PDE4A: variants seen among roughly 807,000 people sequenced by gnomAD.
PDE4A encodes phosphodiesterase 4A, also known as 3',5'-cyclic-AMP phosphodiesterase 4A.
A neutral mutation model predicts 73.9 loss-of-function variants in PDE4A; 21 were observed. The observed-to-expected ratio is 0.28, with a 90% confidence interval of 0.20 to 0.41. The LOEUF is 0.41. Among genes scored for constraint, PDE4A ranks in the 10% least tolerant of loss-of-function variants. The pLI, the probability that PDE4A is intolerant of heterozygous loss-of-function variation, is 1.00. For synonymous variants in PDE4A, 463 were observed against 505.4 expected, an observed-to-expected ratio of 0.92 and a Z score of 1.13; for missense variants, 958 against 1,211.4, an observed-to-expected ratio of 0.79 and a Z score of 3.10.
chr19:10,420,951 C>T lies in PDE4A; in HGVS notation c.187C>T (p.Arg63Trp), dbSNP rs1348613533. Residue 63 changes from arginine to tryptophan, a missense_variant, in exon 1 of 15, where the codon CGG (arginine) becomes TGG (tryptophan). Physicochemically the swap from Arg to Trp is moderately radical, Grantham distance 101. Transcript: ENST00000380702. This position sits in a 1 kb window ranked among gnomAD's most constrained non-coding sequence, Gnocchi z 6.0. ...ERAERERQPH[R>W]PIERADAMDT... ...CGCCGAGCGGGAGCGGCAGCCGCAC[C>T]GGCCCATAGAGCGCGCCGATGCCAT... 1.3e-6 allele frequency: 2 copies of T among 1,561,058 alleles called. No individual in the cohort carries two copies. Among genetic ancestry groups the T allele is most frequent in the South Asian group, 1.2e-5 (1 of 86,038 alleles).
intron 1 of PDE4A, among the ~76,000 whole-genome samples, chr19:10,422,685 A>C (rs1599396709): frequency 1.3e-5 from 2 of 150,274 alleles, no homozygotes; most frequent in African/African-American, 2.5e-5. Context: ...TGTTCTGATC[A>C]CCCCCCAGCC....
intron 8 of PDE4A, 69 bp from the exon 9 acceptor site, chr19:10,459,331 C>T (rs759732559): frequency 6.2e-7 from 1 of 1,609,526 alleles, no homozygotes; most frequent in South Asian, 1.1e-5. Flanking sequence ...AGGCTTCAAA[C>T]TCCTAGGAAA....
In PDE4A at chr19:10,461,034, G is replaced by A. The variant is rs2043255196; in HGVS notation, c.1396G>A (p.Ala466Thr). ...AVFTDLEILA[A>T]LFAAAIHDVD... is the part of the protein sequence containing the mutation. ...GTTCACGGACCTGGAGATTCTCGCC[G>A]CCCTCTTCGCGGCTGCCATCCACGA... The change falls in exon 11 of 15, where the codon GCC (alanine) becomes ACC (threonine). Residue 466 changes from alanine (A) to threonine (T), a missense_variant. This residue lies in a region of PDE4A where 570 missense variants were observed against 827.7 expected (regional missense o/e 0.69). Coordinates refer to ENST00000380702, the MANE Select transcript of PDE4A (RefSeq NM_001111307.2). 1.9e-6 allele frequency: 3 copies of A among 1,613,478 alleles called. No homozygotes were observed. The South Asian group carries it at 3.3e-5, about 18-fold the overall frequency.
At chr19:10,418,389 C>G (rs934400111), upstream of PDE4A, among the ~76,000 whole-genome samples, 16 of 152,150 alleles carry the variant, frequency 1.1e-4, no homozygotes, top group African/African-American at 2.4e-4. Context: ...ACTCAACCCC[C>G]CTCTTGGCTC....
intron 1 of PDE4A, among the ~76,000 whole-genome samples, chr19:10,426,133 C>T (rs1250772444): frequency 6.6e-6 from 1 of 151,814 alleles, no homozygotes. Context: ...GAGTTTGAGA[C>T]CAGCCTGGGC....
intron 1 of PDE4A, among the ~76,000 whole-genome samples, chr19:10,439,982 CT>C (rs1162121051): frequency 0.031 from 3,530 of 113,936 alleles, 89 homozygotes; most frequent in African/African-American, 0.11. Context: ...ATGGTATCTC[CT>C]TTTTTTTTTT....
At chr19:10,419,181 C>G, upstream of PDE4A, 1 of 585,318 alleles carries the variant, frequency 1.7e-6, no homozygotes, top group Non-Finnish European at 2.1e-6. Flanking sequence ...GTCTGGTCCC[C>G]GGGTCCCGCA....
chr19:10,453,701 A>C lies in PDE4A; in HGVS notation c.784-1128A>C, dbSNP rs778441708. On this transcript the variant is annotated intron_variant, in intron 6 of 14. Coordinates refer to ENST00000380702, the MANE Select transcript of PDE4A (RefSeq NM_001111307.2). The surrounding 1 kb of genome is among the most constrained non-coding windows in gnomAD (Gnocchi z 4.6). ...GTGTGTCTGAGCCCAGAGCTGCCTG[A>C]TATTTTGGGGACATGTGACCCCAAA... 1.3e-5 allele frequency among the ~76,000 whole-genome samples: 2 copies of C among 151,974 alleles called. No homozygotes were observed. The highest frequency in any genetic ancestry group is 2.9e-5 in the Non-Finnish European group (2 of 67,982).
Position 10,453,594 on chromosome 19 carries a change from G to A in PDE4A, c.784-1235G>A, listed in dbSNP as rs2145555094. 6.6e-6 allele frequency among the ~76,000 whole-genome samples: 1 copy of A among 152,168 alleles called. No individual in the cohort carries two copies. The highest frequency in any genetic ancestry group is 1.9e-4 in the East Asian group (1 of 5,184). On this transcript the variant is annotated intron_variant, in intron 6 of 14. Coordinates refer to ENST00000380702, the MANE Select transcript of PDE4A (RefSeq NM_001111307.2). The surrounding 1 kb of genome is among the most constrained non-coding windows in gnomAD (Gnocchi z 4.6). ...TGTCTGCGATGGTGTGTGTCTGCCT[G>A]AGTATAGGCTTGTTTGCCTGGGTCA...
intron 1 of PDE4A, among the ~76,000 whole-genome samples, chr19:10,430,627 G>T (rs925795260): frequency 6.6e-6 from 1 of 151,978 alleles, no homozygotes; most frequent in Non-Finnish European, 1.5e-5. Flanking sequence ...GCCAACGCGG[G>T]CGGCTTTGGG....
At chr19:10,449,405 G>A (rs887074564) in intron 4 of PDE4A, among the ~76,000 whole-genome samples, 8 of 152,192 alleles carry the variant, frequency 5.3e-5, no homozygotes, top group South Asian at 2.1e-4. Context: ...TGTCACACAG[G>A]CTGGAGTGCA....
At chr19:10,443,085 G>A (rs916492712) in intron 1 of PDE4A, among the ~76,000 whole-genome samples, 4 of 151,970 alleles carry the variant, frequency 2.6e-5, no homozygotes, top group Non-Finnish European at 5.9e-5. Context: ...AGGCTTAGGT[G>A]GGGGGATCGC....
chr19:10,431,163 C>T, intron 1 of PDE4A: 1 of 972,084 alleles, frequency 1.0e-6, no homozygotes, highest in Non-Finnish European at 1.4e-6. Context: ...GGGTTCGTGG[C>T]TCACTCTCTC....
chr19:10,461,848 C>A (rs775917958), intron 12 of PDE4A, 29 bp from the exon 13 acceptor site: 1 of 1,605,530 alleles, frequency 6.2e-7, no homozygotes, highest in East Asian at 2.2e-5. Flanking sequence ...CGGGTGTCAG[C>A]GGCCCCAGTG....
chr19:10,468,455 T>C lies in PDE4A; in HGVS notation c.*834T>C, dbSNP rs899372877. 7.9e-5 allele frequency: 12 copies of C among 152,218 alleles called. No homozygotes were observed. The highest frequency in any genetic ancestry group is 2.7e-4 in the African/African-American group (11 of 41,220). The allele number at this position is 152,218 out of a possible 1,614,324, so 9.4% of individuals were successfully genotyped here. On this transcript the variant is annotated 3_prime_UTR_variant, in exon 15 of 15. Transcript: ENST00000380702. ...GGTTCACTTTGAATTTTCTCCGTTT[T>C]TTGGGGCAGTGGCTCTGATCCACTC...
chr19:10,466,855 C>T, intron 14 of PDE4A, 32 bp from the exon 15 acceptor site: 1 of 1,596,690 alleles, frequency 6.3e-7, no homozygotes, highest in Non-Finnish European at 8.5e-7. Flanking sequence ...ACCCCATAGG[C>T]CGCCCATTTA....
intron 1 of PDE4A, among the ~76,000 whole-genome samples, chr19:10,425,417 T>C (rs968507753): frequency 3.9e-5 from 6 of 152,084 alleles, no homozygotes; most frequent in Non-Finnish European, 7.4e-5. Flanking sequence ...GTGGTGAGGC[T>C]GATATGTTTG....
Position 10,448,914 on chromosome 19 carries a change from C to T in PDE4A, c.513-3C>T, listed in dbSNP as rs1226919532. The T allele has an allele frequency of 9.3e-6, 15 of 1,613,816 alleles. No individual in the cohort carries two copies. The highest frequency in any genetic ancestry group is 1.3e-5 in the Non-Finnish European group (15 of 1,179,886). On this transcript the variant is annotated splice_polypyrimidine_tract_variant and splice_region_variant and intron_variant, in intron 2 of 14. Transcript: ENST00000380702. ...CCTGACCTGCCTCTGTCCTCAATCA[C>T]AGGCACGCTGAAGACCTCATCGTAA...
At chr19:10,426,319 A>G (rs1352927278) in intron 1 of PDE4A, among the ~76,000 whole-genome samples, 1 of 152,208 alleles carries the variant, frequency 6.6e-6, no homozygotes, top group Non-Finnish European at 1.5e-5. Flanking sequence ...AGAATGCTGT[A>G]GACCAAGTTT....
Sources: allele counts gnomAD v4.1 joint callset (sites outside exome capture counted in the v4.1 genomes callset), GRCh38; gene constraint gnomAD v4.1.1; regional missense constraint gnomAD v4.1.1; non-coding constraint Gnocchi (gnomAD v3.1); transcripts MANE v1.5; gene names NCBI Gene and HGNC (gene_info 2026-07-23, HGNC 2026-07-21).